FNDC7: variants seen among roughly 807,000 people sequenced by gnomAD.
The protein encoded by FNDC7 is fibronectin type III domain containing 7, also known as fibronectin type III domain-containing protein 7.
FNDC7 carries 66 observed loss-of-function variants against 74.2 expected under a neutral mutation model. The observed-to-expected ratio is 0.89, with a 90% CI of 0.73 to 1.09. The LOEUF (loss-of-function observed/expected upper bound fraction) is 1.09, where lower values mean the gene tolerates loss of function less well. Ranked by LOEUF, FNDC7 falls within the 50% of genes least tolerant of loss-of-function variation. The pLI is 0.00. For missense variants in FNDC7, 829 were observed against 893.4 expected (o/e 0.93, Z 0.92); for synonymous variants, 307 against 330.2 (o/e 0.93, Z 0.76).
At position 108,727,854 on chromosome 1, in the gene FNDC7, CAG is replaced by C; in HGVS notation, c.1161_1162del (p.Arg387SerfsTer2). The C allele has an allele frequency of 6.2e-7, 1 of 1,614,164 alleles. No individual in the cohort carries two copies. Among genetic ancestry groups the C allele is most frequent in the Non-Finnish European group, 8.5e-7 (1 of 1,180,032 alleles). On this transcript the variant is annotated frameshift_variant, in exon 7 of 13. Transcript: ENST00000370017. LOFTEE classifies it high-confidence loss of function. ...DINPVLVSSD[R>X]VEIVWSPVRG... ...TTAACCCCGTGTTGGTGTCCAGTGA[CAG>C]AGTTGAGATTGTCTGGTCTCCTGTC...
At chr1:108,727,709 A>G (rs1018075411) in intron 6 of FNDC7, 99 bp from the exon 7 acceptor site, 11 of 1,425,736 alleles carry the variant, frequency 7.7e-6, no homozygotes, top group East Asian at 4.5e-5. Flanking sequence ...CAGGGAGGGC[A>G]GTGGCAGAGG....
At chr1:108,736,922 T>C (rs909075108) in intron 10 of FNDC7, among the ~76,000 whole-genome samples, 10 of 151,704 alleles carry the variant, frequency 6.6e-5, no homozygotes, top group African/African-American at 2.2e-4. Context: ...GGTTTACATA[T>C]ATTAACTCAG....
intron 2 of FNDC7, among the ~76,000 whole-genome samples, chr1:108,716,321 GTGTGTGTGT>G (rs773245040): frequency 0.071 from 6,589 of 92,772 alleles, 226 homozygotes; most frequent in African/African-American, 0.11. Flanking sequence ...CAGAAGAGAG[GTGTGTGTGT>G]GTGTGTGTGT....
chr1:108,713,597 G>A, intron 2 of FNDC7, 68 bp downstream of exon 2: 1 of 1,381,652 alleles, frequency 7.2e-7, no homozygotes, highest in Non-Finnish European at 9.9e-7. Flanking sequence ...TTAATTCACG[G>A]GCTACCCTGA....
chr1:108,725,114 TA>T (rs1157241893), intron 5 of FNDC7, among the ~76,000 whole-genome samples: 7 of 151,988 alleles, frequency 4.6e-5, no homozygotes, highest in African/African-American at 1.2e-4. Context: ...AAAATAAATT[TA>T]AAAAAATAGT....
intron 8 of FNDC7, 23 bp from the exon 9 acceptor site, chr1:108,730,651 C>CT: frequency 1.4e-6 from 2 of 1,479,856 alleles, no homozygotes; most frequent in East Asian, 2.5e-5. Context: ...ATCTCCAATT[C>CT]TTTTTCTTTT....
chr1:108,730,844 T>C lies in FNDC7; in HGVS notation c.1795T>C (p.Cys599Arg), dbSNP rs1328236354. ...QNHCLLGCIT[C>R]GINYTVTLKA... ...CCACTGCCTCCTAGGATGCATCACA[T>C]GTGGCATCAATTACACAGTGACATT... The change falls in exon 9 of 13, where the codon TGT becomes CGT. Residue 599 changes from cysteine (C) to arginine (R), a missense_variant. By Grantham distance (180) the Cys-to-Arg change is radical (BLOSUM62 -3). Transcript: ENST00000370017. The C allele has an allele frequency of 1.9e-6, 3 of 1,613,958 alleles. No individual in the cohort carries two copies. Among genetic ancestry groups the C allele is most frequent in the Non-Finnish European group, 2.5e-6 (3 of 1,179,966 alleles).
chr1:108,728,906 C>T lies in FNDC7; in HGVS notation c.1624+20C>T. On this transcript the variant is annotated intron_variant, in intron 8 of 12. Coordinates refer to ENST00000370017, the MANE Select transcript of FNDC7 (RefSeq NM_001144937.3). ...AAACAGGTATGTAGCAACCACCAGCCTGAATGTTGACTTCAGTGGGGTCCT... is the reference window on the plus strand; with the variant it reads ...AAACAGGTATGTAGCAACCACCAGCTTGAATGTTGACTTCAGTGGGGTCCT... The T allele has an allele frequency of 1.2e-6, 2 of 1,607,898 alleles. No individual in the cohort carries two copies. Among genetic ancestry groups the T allele is most frequent in the Non-Finnish European group, 1.7e-6 (2 of 1,175,308 alleles).
At chr1:108,740,973 C>G (rs1325242305) in intron 11 of FNDC7, among the ~76,000 whole-genome samples, 8 of 152,214 alleles carry the variant, frequency 5.3e-5, no homozygotes, top group African/African-American at 1.7e-4. Flanking sequence ...CATTGATTCT[C>G]TAAGTGTGGT....
At chr1:108,735,432 C>A (rs1165664124) in intron 10 of FNDC7, among the ~76,000 whole-genome samples, 1 of 152,140 alleles carries the variant, frequency 6.6e-6, no homozygotes, top group Non-Finnish European at 1.5e-5. Flanking sequence ...AACATTCAAT[C>A]CTCTGGGCAT....
At chr1:108,713,121 G>T in intron 1 of FNDC7, 125 bp downstream of exon 1, 1 of 842,356 alleles carries the variant, frequency 1.2e-6, no homozygotes, top group Admixed American at 2.6e-5. Flanking sequence ...ACTTTGGTTT[G>T]TACCGAGGTT....
chr1:108,715,428 A>G (rs1240664921), intron 2 of FNDC7, among the ~76,000 whole-genome samples: 1 of 152,222 alleles, frequency 6.6e-6, no homozygotes, highest in African/African-American at 2.4e-5. Context: ...CTTCTCATCT[A>G]CTAAAGGGCA....
intron 9 of FNDC7, among the ~76,000 whole-genome samples, chr1:108,732,193 A>G (rs1308320130): frequency 1.3e-5 from 2 of 152,118 alleles, no homozygotes; most frequent in African/African-American, 4.8e-5. Flanking sequence ...CCCCGTCTCT[A>G]CTAAAAATAC....
chr1:108,719,164 G>C, intron 4 of FNDC7, 115 bp downstream of exon 4: 1 of 1,182,214 alleles, frequency 8.5e-7, no homozygotes, highest in Non-Finnish European at 1.2e-6. Flanking sequence ...GCTGGCAACA[G>C]CTATTTAAAT....
At chr1:108,718,658 AC>A in intron 3 of FNDC7, 130 bp from the exon 4 acceptor site, 1 of 980,038 alleles carries the variant, frequency 1.0e-6, no homozygotes, top group South Asian at 1.8e-5. Context: ...ATTTAATGAA[AC>A]TTTGTTGTGA....
Position 108,718,025 on chromosome 1 carries a change from A to C in FNDC7, c.331A>C (p.Lys111Gln), listed in dbSNP as rs1661018428. ...CCAGGCGTCACCTCCAAAGCAGGCAAAGACAGGTGGCTGGATGGATGCTCA... is the reference window on the plus strand; with the variant it reads ...CCAGGCGTCACCTCCAAAGCAGGCACAGACAGGTGGCTGGATGGATGCTCA... ...RSQASPPKQA[K>Q]TVLAAPILEV... Residue 111 changes from lysine to glutamine, a missense_variant, in exon 3 of 13, where the codon AAG (lysine) becomes CAG (glutamine). Physicochemically the swap from Lys to Gln is moderately conservative, Grantham distance 53. Coordinates refer to ENST00000370017, the MANE Select transcript of FNDC7 (RefSeq NM_001144937.3). The C allele has an allele frequency of 6.4e-7, 1 of 1,551,472 alleles. No individual in the cohort carries two copies. Among genetic ancestry groups the C allele is most frequent in the Non-Finnish European group, 8.7e-7 (1 of 1,146,756 alleles).
chr1:108,733,245 T>G, intron 9 of FNDC7, 27 bp from the exon 10 acceptor site: 1 of 1,594,710 alleles, frequency 6.3e-7, no homozygotes, highest in Non-Finnish European at 8.6e-7. Context: ...AACAAGTGAT[T>G]TTGTGTTTGT....
chr1:108,733,637 T>C (rs1205182051), intron 10 of FNDC7, 105 bp downstream of exon 10: 2 of 988,400 alleles, frequency 2.0e-6, no homozygotes, highest in South Asian at 3.6e-5. Flanking sequence ...ACAGAGGGTA[T>C]AAAATTTCTT....
chr1:108,719,145 T>G, intron 4 of FNDC7, 96 bp downstream of exon 4: 1 of 1,358,282 alleles, frequency 7.4e-7, no homozygotes, highest in Non-Finnish European at 1.0e-6. Flanking sequence ...ACATGACAAG[T>G]ACAGAGCAGC....
Sources: allele counts gnomAD v4.1 joint callset (sites outside exome capture counted in the v4.1 genomes callset), GRCh38; gene constraint gnomAD v4.1.1; transcripts MANE v1.5; gene names NCBI Gene and HGNC (gene_info 2026-07-23, HGNC 2026-07-21).